ZNF536: variants seen among roughly 807,000 people sequenced by gnomAD.
ZNF536 encodes the protein zinc finger protein 536.
ZNF536 carries 13 observed loss-of-function variants against 84.5 expected under a neutral mutation model. The observed-to-expected ratio is 0.15, with a 90% CI of 0.10 to 0.24. The LOEUF is 0.24. Among genes scored for constraint, ZNF536 ranks in the 10% least tolerant of loss-of-function variants. The pLI, the probability that ZNF536 is intolerant of heterozygous loss-of-function variation, is 1.00. For synonymous variants in ZNF536, 811 were observed against 742.5 expected (o/e 1.09, Z -1.50); for missense variants, 1,536 against 1,747.5 (o/e 0.88, Z 2.16).
At chr19:30,625,778 G>A (rs2048652963) in intron 1 of ZNF536, among the ~76,000 whole-genome samples, 1 of 152,184 alleles carries the variant, frequency 6.6e-6, no homozygotes, top group Non-Finnish European at 1.5e-5. Flanking sequence ...TGCCATGTAG[G>A]CATGCCATGG....
chr19:30,525,969 C>T (rs918889298), intron 2 of ZNF536, among the ~76,000 whole-genome samples: 5 of 152,318 alleles, frequency 3.3e-5, no homozygotes, highest in African/African-American at 1.2e-4. Context: ...GCCCTGCCCC[C>T]AACCAGAGGC....
At chr19:30,569,948 G>T (rs182896727) in intron 1 of ZNF536, among the ~76,000 whole-genome samples, 1 of 152,240 alleles carries the variant, frequency 6.6e-6, no homozygotes, top group Admixed American at 6.5e-5. Context: ...CTCAGCTAGG[G>T]GCAATGTTCT....
chr19:30,622,058 T>C (rs1275803381), intron 1 of ZNF536, among the ~76,000 whole-genome samples: 3 of 152,180 alleles, frequency 2.0e-5, no homozygotes, highest in Admixed American at 6.5e-5. Flanking sequence ...ACCATCAACT[T>C]CCCGGCTTGA....
chr19:30,654,755 G>A (rs958497106), intron 1 of ZNF536, among the ~76,000 whole-genome samples: 1 of 151,990 alleles, frequency 6.6e-6, no homozygotes, highest in Non-Finnish European at 1.5e-5. Context: ...GAAGGCTGGT[G>A]GCTTAGGTAA....
chr19:30,561,523 G>A (rs950832872), downstream of ZNF536, among the ~76,000 whole-genome samples: 4 of 152,314 alleles, frequency 2.6e-5, no homozygotes, highest in East Asian at 5.8e-4. Flanking sequence ...GTAGATATGG[G>A]AGGTGACCCA....
intron 2 of ZNF536, among the ~76,000 whole-genome samples, chr19:30,497,427 T>C (rs888180175): frequency 1.3e-5 from 2 of 152,138 alleles, no homozygotes; most frequent in African/African-American, 4.8e-5. Flanking sequence ...TCTCACTCTA[T>C]TGTTGCATGG....
intron 1 of ZNF536, among the ~76,000 whole-genome samples, chr19:30,260,274 C>A (rs529116667): frequency 8.5e-5 from 13 of 152,366 alleles, no homozygotes; most frequent in Non-Finnish European, 1.5e-4. Context: ...TTGAGTCCTG[C>A]ATCCTGCAGG....
intron 2 of ZNF536, among the ~76,000 whole-genome samples, chr19:30,312,861 G>T (rs1373609280): frequency 6.6e-6 from 1 of 152,238 alleles, no homozygotes; most frequent in East Asian, 1.9e-4. Flanking sequence ...TGTGACCTCA[G>T]GCAGCCTCCC....
chr19:30,441,990 A>G (rs964929239), intron 1 of ZNF536, among the ~76,000 whole-genome samples: 1 of 152,242 alleles, frequency 6.6e-6, no homozygotes, highest in Non-Finnish European at 1.5e-5. Context: ...CTCTGTCCCC[A>G]TAGGTCTCCC....
At chr19:30,565,167 CTT>C (rs75043710) in intron 1 of ZNF536, among the ~76,000 whole-genome samples, 84 of 142,294 alleles carry the variant, frequency 5.9e-4, no homozygotes, top group Admixed American at 5.6e-4. Context: ...GACCCCTTTC[CTT>C]TTTTTTTTTT....
At chr19:30,566,612 G>A (rs911779978) in intron 1 of ZNF536, among the ~76,000 whole-genome samples, 2 of 152,264 alleles carry the variant, frequency 1.3e-5, no homozygotes, top group Non-Finnish European at 2.9e-5. Context: ...GACAGTGGAG[G>A]TCCCTGGGAG....
At chr19:30,387,829 C>T (rs542345760) in intron 1 of ZNF536, among the ~76,000 whole-genome samples, 1 of 152,234 alleles carries the variant, frequency 6.6e-6, no homozygotes, top group East Asian at 1.9e-4. Flanking sequence ...GAAAGCCCAG[C>T]CTAGAGAGGG....
chr19:30,330,529 G>T (rs1010562610), intron 2 of ZNF536, among the ~76,000 whole-genome samples: 22 of 152,158 alleles, frequency 1.4e-4, no homozygotes, highest in African/African-American at 5.3e-4. Context: ...TGCTACCAGT[G>T]GATTTAGAAA....
intron 2 of ZNF536, among the ~76,000 whole-genome samples, chr19:30,446,018 C>A (rs1379942744): frequency 6.6e-6 from 1 of 151,954 alleles, no homozygotes; most frequent in Non-Finnish European, 1.5e-5. Flanking sequence ...GCGCCCGAGG[C>A]CGGTGGATCA....
chr19:30,363,088 G>A (rs2048325315), intron 3 of ZNF536, among the ~76,000 whole-genome samples: 1 of 152,068 alleles, frequency 6.6e-6, no homozygotes, highest in Non-Finnish European at 1.5e-5. Context: ...AGAAATTGGG[G>A]TTTGAAATTA....
chr19:30,444,776 C>T lies in ZNF536; in HGVS notation c.1214C>T (p.Ser405Phe), dbSNP rs776145243. The change falls in exon 2 of 5, where the codon TCC (serine) becomes TTC (phenylalanine). Residue 405 changes from serine to phenylalanine, a missense_variant. Physicochemically the swap from Ser to Phe is radical, Grantham distance 155. Transcript: ENST00000355537. The stretch of plus-strand genomic sequence containing the variant: ...AACAAGCTGTCGGTGAAGAACAAGT[C>T]CCCCAGCGACCCCGAGGTGCCTGTG... ...HLNKLSVKNKSPSDPEVPVPM... is the reference protein window; with the variant it reads ...HLNKLSVKNKFPSDPEVPVPM... 2.5e-5 allele frequency: 41 copies of T among 1,613,812 alleles called. No individual in the cohort carries two copies. In the East Asian group the frequency reaches 7.4e-4, roughly 29 times the overall value.
chr19:30,539,450 CCCCATGGACACA>C (rs1483324050), intron 3 of ZNF536, among the ~76,000 whole-genome samples: 3 of 152,202 alleles, frequency 2.0e-5, no homozygotes, highest in Non-Finnish European at 4.4e-5. Flanking sequence ...CCAGAAACAC[CCCCATGGACACA>C]CCCAGAAGAA....
chr19:30,698,954 A>G (rs994941487), intron 1 of ZNF536, among the ~76,000 whole-genome samples: 3 of 152,220 alleles, frequency 2.0e-5, no homozygotes, highest in Non-Finnish European at 4.4e-5. Flanking sequence ...CATTTATGCC[A>G]GTATGATTTG....
rs768474131 is a variant in ZNF536, at chr19:30,443,812, C to G, written c.250C>G (p.Leu84Val). 1.2e-6 allele frequency: 2 copies of G among 1,613,216 alleles called. No homozygotes were observed. Among genetic ancestry groups the G allele is most frequent in the Admixed American group, 3.3e-5 (2 of 60,000 alleles). The part of the protein sequence containing the change: ...GQPMGSQMAL[L>V]ANQLGREVDT... ...GCCCATGGGCAGTCAGATGGCGCTC[C>G]TGGCCAACCAGCTGGGCCGGGAGGT... Residue 84 changes from leucine to valine, a missense_variant, in exon 2 of 5, where the codon CTG becomes GTG. This residue lies in a region of ZNF536 where 161 missense variants were observed against 178.5 expected (regional missense o/e 0.90). Transcript: ENST00000355537.
Sources: allele counts gnomAD v4.1 joint callset (sites outside exome capture counted in the v4.1 genomes callset), GRCh38; gene constraint gnomAD v4.1.1; regional missense constraint gnomAD v4.1.1; transcripts MANE v1.5; gene names NCBI Gene and HGNC (gene_info 2026-07-23, HGNC 2026-07-21).